IQSEC2: variants seen among roughly 807,000 people sequenced by gnomAD.
IQSEC2 encodes the protein IQ motif and SEC7 domain-containing protein 2.
In IQSEC2, 6 loss-of-function variants were observed where a neutral mutation model predicts 74.6. That is an observed-to-expected ratio of 0.08 (90% CI 0.04 to 0.16). IQSEC2 has a LOEUF of 0.16. Among genes scored for constraint, IQSEC2 ranks in the 10% least tolerant of loss-of-function variants. IQSEC2 has a pLI of 1.00. For missense variants in IQSEC2, 734 were observed against 1,306.2 expected, an observed-to-expected ratio of 0.56 and a Z score of 6.75; for synonymous variants, 494 against 544.5, an observed-to-expected ratio of 0.91 and a Z score of 1.29.
intron 1 of IQSEC2, among the ~76,000 whole-genome samples, chrX:53,298,987 G>A (rs2075182848): frequency 9.0e-6 from 1 of 111,174 alleles, no homozygotes. Flanking sequence ...AAATAGCCTT[G>A]GACTATCTGA....
At chrX:53,269,037 T>A (rs2074701268) in intron 2 of IQSEC2, among the ~76,000 whole-genome samples, 1 of 112,396 alleles carries the variant, frequency 8.9e-6, no homozygotes, top group African/African-American at 3.2e-5. Flanking sequence ...CCCTACTCAC[T>A]GATGCCCAGC....
At chrX:53,240,505 C>G (rs782450226) in intron 10 of IQSEC2, among the ~76,000 whole-genome samples, 1 of 112,721 alleles carries the variant, frequency 8.9e-6, no homozygotes, top group South Asian at 3.7e-4. Context: ...AGGTACAACA[C>G]TTGTTCTTTG....
rs2074458112 is a variant in IQSEC2 at position 53,255,845 on chromosome X, G to C, written c.954C>G (p.Ala318=). ...TGGAGAGTTCATAGCTGTCCGATAG[G>C]GCCTTGGAGCGCTTTATCTCCTCCT... ...QEEEEIKRSK[A]LSDSYELSTD... Residue 318 remains alanine (A), a synonymous_variant, in exon 3 of 15, where the codon GCC becomes GCG. Transcript: ENST00000642864. The C allele has an allele frequency of 8.3e-7, 1 of 1,210,123 alleles. No individual in the cohort carries two copies. The highest frequency in any genetic ancestry group is 1.7e-5 in the African/African-American group (1 of 57,308).
chrX:53,319,847 C>G (rs1602382118), intron 1 of IQSEC2, among the ~76,000 whole-genome samples: 1 of 110,911 alleles, frequency 9.0e-6, no homozygotes, highest in East Asian at 2.9e-4. Context: ...GCTCCCCCAT[C>G]TTTGCTCCCC....
chrX:53,303,799 TAA>T (rs782516827), intron 1 of IQSEC2, among the ~76,000 whole-genome samples: 7 of 94,615 alleles, frequency 7.4e-5, no homozygotes, highest in Non-Finnish European at 8.5e-5. Context: ...AAACTCCATC[TAA>T]AAAAAAAAAA....
intron 2 of IQSEC2, among the ~76,000 whole-genome samples, chrX:53,265,583 T>C (rs2074643043): frequency 9.0e-6 from 1 of 111,333 alleles, no homozygotes; most frequent in Non-Finnish European, 1.9e-5. Context: ...ATTTGTCTAA[T>C]ACCAAAGGCT....
intron 10 of IQSEC2, among the ~76,000 whole-genome samples, chrX:53,240,774 CTTT>C (rs34233943): frequency 4.1e-5 from 4 of 97,005 alleles, no homozygotes; most frequent in Non-Finnish European, 2.1e-5. Context: ...CTTCAAGCAT[CTTT>C]TTTTTTTTTT....
At chrX:53,317,305 A>G (rs1415311196) in intron 1 of IQSEC2, among the ~76,000 whole-genome samples, 1 of 111,822 alleles carries the variant, frequency 8.9e-6, no homozygotes. Context: ...TGCACTAGAA[A>G]GGCCACACCC....
chrX:53,296,973 A>G (rs1569330841), intron 1 of IQSEC2, among the ~76,000 whole-genome samples: 1 of 111,019 alleles, frequency 9.0e-6, no homozygotes, highest in Non-Finnish European at 1.9e-5. Context: ...TTATATCACA[A>G]AGTTTGGGTT....
intron 2 of IQSEC2, among the ~76,000 whole-genome samples, chrX:53,261,492 G>GCACA (rs3045180): frequency 0.041 from 4,172 of 100,580 alleles, 156 homozygotes; most frequent in African/African-American, 0.11. Flanking sequence ...ATCTGCATGT[G>GCACA]CACACACACA....
At chrX:53,251,877 T>C (rs1274878839) in intron 4 of IQSEC2, among the ~76,000 whole-genome samples, 4 of 111,733 alleles carry the variant, frequency 3.6e-5, no homozygotes, top group Admixed American at 2.8e-4. Flanking sequence ...CTGGGCAACA[T>C]GGCGAGACTC....
At chrX:53,244,223 A>T (rs1457038888) in intron 8 of IQSEC2, among the ~76,000 whole-genome samples, 3 of 107,885 alleles carry the variant, frequency 2.8e-5, no homozygotes, top group Non-Finnish European at 5.8e-5. Context: ...TCTCAAAAAA[A>T]AAAAAAAGAA....
chrX:53,268,609 G>A (rs1198217324), intron 2 of IQSEC2, among the ~76,000 whole-genome samples: 1 of 111,351 alleles, frequency 9.0e-6, no homozygotes, highest in Non-Finnish European at 1.9e-5. Flanking sequence ...GTCACCTCCT[G>A]ATTTCTTCTC....
chrX:53,289,125 C>T (rs930892922), intron 2 of IQSEC2, among the ~76,000 whole-genome samples: 10 of 111,164 alleles, frequency 9.0e-5, no homozygotes, highest in South Asian at 3.7e-4. Flanking sequence ...CCAGGCCTAG[C>T]GCCTCTCCTC....
chrX:53,266,331 G>A, intron 2 of IQSEC2: 1 of 742,277 alleles, frequency 1.3e-6, no homozygotes, highest in South Asian at 6.9e-5. Flanking sequence ...ACAGAGAGAA[G>A]AGATCAGCTT....
rs2074338598 is a variant in IQSEC2, at chrX:53,248,379, G to A, written c.2460-143C>T. The stretch of plus-strand genomic sequence containing the variant: ...TGTGGCCCGAGCAAGTACACATGAG[G>A]ACAGAATGTTTGAAATCAAATCCAT... On this transcript the variant is annotated intron_variant, in intron 6 of 14. Transcript: ENST00000642864. The A allele has an allele frequency of 3.9e-6, 3 of 770,725 alleles. No individual in the cohort carries two copies. The African/African-American group carries it at 6.3e-5, about 16-fold the overall frequency. The allele number at this position is 770,725 out of a possible 1,213,427, so 63.5% of individuals were successfully genotyped here.
intron 1 of IQSEC2, among the ~76,000 whole-genome samples, chrX:53,310,762 G>A (rs1265996699): frequency 1.8e-5 from 2 of 111,114 alleles, no homozygotes; most frequent in Admixed American, 9.6e-5. Context: ...ATGAAGCCAC[G>A]TAAGACAAAA....
At chrX:53,239,604 G>C (rs140962878) in intron 10 of IQSEC2, 11,235 of 269,618 alleles carry the variant, frequency 0.042, 235 homozygotes, top group Non-Finnish European at 0.059. Context: ...CCCCTTTTCT[G>C]AGCTCCAGAA....
intron 2 of IQSEC2, chrX:53,281,472 A>G: frequency 1.0e-6 from 1 of 954,323 alleles, no homozygotes; most frequent in Admixed American, 2.7e-5. Flanking sequence ...GGAGGGGGCC[A>G]GGCTGCGGGG....
Sources: gnomAD v4.1 joint callset for allele counts (sites outside exome capture counted in the v4.1 genomes callset) on GRCh38, gnomAD v4.1.1 for gene constraint, MANE v1.5 for transcripts, NCBI Gene and HGNC (gene_info 2026-07-23, HGNC 2026-07-21) for gene names.